Variants in DPP6 observed in about 807,000 individuals in gnomAD.
DPP6 encodes the protein A-type potassium channel modulatory protein DPP6.
DPP6 carries 69 observed loss-of-function variants against 122.6 expected under a neutral mutation model. The ratio of observed to expected loss-of-function variants is 0.56; its 90% CI spans 0.46 to 0.69. DPP6 has a LOEUF of 0.69. Ranked by LOEUF, DPP6 falls within the 30% of genes least tolerant of loss-of-function variation. DPP6 has a pLI of 0.00. For synonymous variants in DPP6, 418 were observed against 433.1 expected, an observed-to-expected ratio of 0.97 and a Z score of 0.43; for missense variants, 928 against 1,116.9, an observed-to-expected ratio of 0.83 and a Z score of 2.41.
Position 154,138,286 on chromosome 7 carries a change from A to T in DPP6, c.243+85223A>T, listed in dbSNP as rs1285481103. On this transcript the variant is annotated intron_variant, in intron 1 of 25. Transcript: ENST00000377770. ...TCTCCAGAAGGAACTAGTACTATTT[A>T]TGTAAAGTAGACACTTAATTCAACT... 5.3e-5 allele frequency among the ~76,000 whole-genome samples: 8 copies of T among 152,224 alleles called. No individual in the cohort carries two copies. In the South Asian group the frequency reaches 6.2e-4, roughly 12 times the overall value.
intron 4 of DPP6, among the ~76,000 whole-genome samples, chr7:154,547,111 C>A (rs1829258690): frequency 2.0e-5 from 3 of 152,304 alleles, no homozygotes. Context: ...AGGCTGGCCC[C>A]CGGGAAGTGG....
intron 1 of DPP6, among the ~76,000 whole-genome samples, chr7:154,065,388 C>A (rs1434486676): frequency 6.7e-6 from 1 of 149,140 alleles, no homozygotes; most frequent in Non-Finnish European, 1.5e-5. Context: ...CCATCACTGG[C>A]TGCCATACAG....
At chr7:154,865,112 A>G (rs1418786537) in intron 17 of DPP6, among the ~76,000 whole-genome samples, 4 of 152,182 alleles carry the variant, frequency 2.6e-5, no homozygotes, top group African/African-American at 9.7e-5. Context: ...GGCCATCCAG[A>G]CAGGCTCTTG....
intron 1 of DPP6, among the ~76,000 whole-genome samples, chr7:153,982,436 C>T (rs539807357): frequency 3.3e-5 from 5 of 152,160 alleles, no homozygotes; most frequent in South Asian, 2.1e-4. Flanking sequence ...TTCTAGTTAG[C>T]AGTTCCTATA....
chr7:154,865,748 T>C (rs1288736071), intron 17 of DPP6, among the ~76,000 whole-genome samples: 1 of 152,170 alleles, frequency 6.6e-6, no homozygotes, highest in African/African-American at 2.4e-5. Context: ...CCTTTGCAGC[T>C]TCCTGAGACA....
rs531391675 is a variant in DPP6 at position 154,631,813 on chromosome 7, T to C, written c.628-6008T>C. ...GAAGTAATAGGGGAGAATGAGTGGT[T>C]AGAAATGTAAGGCACAGTGGAGAAG... is the stretch of plus-strand genomic sequence containing the variant. On this transcript the variant is annotated intron_variant, in intron 5 of 25. Transcript: ENST00000377770. Among the ~76,000 whole-genome samples the C allele has an allele frequency of 4.3e-4, 65 of 152,292 alleles. 1 individual carries two copies. In the South Asian group the frequency reaches 1.0e-2, roughly 23 times the overall value.
intron 16 of DPP6, among the ~76,000 whole-genome samples, chr7:154,826,396 A>T (rs1221981939): frequency 6.6e-6 from 1 of 152,110 alleles, no homozygotes; most frequent in Non-Finnish European, 1.5e-5. Context: ...TTCCTTTGTA[A>T]TCCTGATTCC....
At chr7:154,132,307 G>A (rs73729279) in intron 1 of DPP6, among the ~76,000 whole-genome samples, 2,103 of 152,212 alleles carry the variant, frequency 0.014, 46 homozygotes, top group African/African-American at 0.048. Flanking sequence ...GGTTTTTGAT[G>A]TCTTAAAAGG....
intron 1 of DPP6, among the ~76,000 whole-genome samples, chr7:154,393,941 C>G (rs1000712441): frequency 2.0e-5 from 3 of 152,136 alleles, no homozygotes; most frequent in Admixed American, 2.0e-4. Flanking sequence ...AATATAAGTC[C>G]TCAAGGTGCC....
chr7:154,428,912 G>T (rs1249321850), intron 1 of DPP6, among the ~76,000 whole-genome samples: 1 of 152,150 alleles, frequency 6.6e-6, no homozygotes, highest in Non-Finnish European at 1.5e-5. Context: ...ACAGTGTTAA[G>T]ATGATGGGTG....
the DPP6 span, among the ~76,000 whole-genome samples, chr7:153,880,248 C>T: frequency 6.2e-4 from 94 of 152,226 alleles, no homozygotes; most frequent in African/African-American, 2.3e-3. Flanking sequence ...TTGACCATTG[C>T]TCTTCTATAA....
chr7:154,885,777 C>A, intron 22 of DPP6, 33 bp downstream of exon 22: 1 of 1,555,166 alleles, frequency 6.4e-7, no homozygotes, highest in East Asian at 2.4e-5. Context: ...GCGACGGGCT[C>A]TGCTCCCGCC....
intron 1 of DPP6, among the ~76,000 whole-genome samples, chr7:154,060,750 G>C (rs1024513446): frequency 8.3e-6 from 1 of 120,322 alleles, no homozygotes; most frequent in South Asian, 2.8e-4. Flanking sequence ...CAGGGACTGA[G>C]AGCCAGTCCC....
At chr7:154,529,921 T>A (rs1300150538) in intron 3 of DPP6, among the ~76,000 whole-genome samples, 2 of 151,074 alleles carry the variant, frequency 1.3e-5, no homozygotes, top group African/African-American at 4.9e-5. Context: ...AGATCAGGAG[T>A]TTGAGACCAG....
At chr7:154,488,102 G>A (rs1490946310) in intron 3 of DPP6, among the ~76,000 whole-genome samples, 1 of 151,882 alleles carries the variant, frequency 6.6e-6, no homozygotes, top group Non-Finnish European at 1.5e-5. Context: ...TGAGTCTCCA[G>A]AGAAGAGGCC....
chr7:153,950,477 C>T (rs887334787), intron 1 of DPP6, among the ~76,000 whole-genome samples: 11 of 152,184 alleles, frequency 7.2e-5, no homozygotes, highest in East Asian at 1.9e-4. Context: ...GGGACTGCCA[C>T]GATCACATAT....
chr7:154,859,682 A>C (rs1803178373), intron 17 of DPP6, among the ~76,000 whole-genome samples: 1 of 152,234 alleles, frequency 6.6e-6, no homozygotes, highest in Admixed American at 6.5e-5. Flanking sequence ...TTCCTTAAGA[A>C]GGTAATTATG....
intron 2 of DPP6, among the ~76,000 whole-genome samples, chr7:154,448,109 AC>A (rs1217630979): frequency 2.0e-5 from 3 of 152,200 alleles, no homozygotes; most frequent in Non-Finnish European, 4.4e-5. Context: ...AAAAACAAGG[AC>A]AACCAGATAG....
At chr7:154,570,607 C>G (rs1214782845) in intron 5 of DPP6, among the ~76,000 whole-genome samples, 1 of 152,188 alleles carries the variant, frequency 6.6e-6, no homozygotes, top group Admixed American at 6.5e-5. Flanking sequence ...GAAAATACCT[C>G]AGTTGTGAAA....
Sources: gnomAD v4.1 joint callset for allele counts (sites outside exome capture counted in the v4.1 genomes callset) on GRCh38, gnomAD v4.1.1 for gene constraint, MANE v1.5 for transcripts, NCBI Gene and HGNC (gene_info 2026-07-23, HGNC 2026-07-21) for gene names.